BICC1: variants seen among roughly 807,000 people sequenced by gnomAD.
BICC1 encodes the protein BicC family RNA binding protein 1, also known as protein bicaudal C homolog 1.
A neutral mutation model predicts 111.0 loss-of-function variants in BICC1; 43 were observed. That is an observed-to-expected ratio of 0.39 (90% CI 0.30 to 0.50). The LOEUF (loss-of-function observed/expected upper bound fraction) is 0.50, where lower values mean the gene tolerates loss of function less well. Ranked by LOEUF, BICC1 falls within the 20% of genes least tolerant of loss-of-function variation. The probability of loss-of-function intolerance (pLI) is 0.88; values close to 1 mark genes in which losing one functional copy is unlikely to be tolerated. For synonymous variants in BICC1, 467 were observed against 434.4 expected, an observed-to-expected ratio of 1.07 and a Z score of -0.93; for missense variants, 1,091 against 1,203.2, an observed-to-expected ratio of 0.91 and a Z score of 1.38.
intron 9 of BICC1, among the ~76,000 whole-genome samples, chr10:58,795,750 G>C (rs1052346593): frequency 2.0e-5 from 3 of 151,656 alleles, no homozygotes; most frequent in African/African-American, 7.3e-5. Flanking sequence ...TTATTATTTA[G>C]AATTTTTTTT....
intron 3 of BICC1, among the ~76,000 whole-genome samples, chr10:58,734,373 T>TA (rs1235859637): frequency 1.2e-4 from 18 of 152,260 alleles, no homozygotes; most frequent in South Asian, 6.2e-4. Flanking sequence ...TCTTTGGCTA[T>TA]AAATTCCTGA....
intron 2 of BICC1, among the ~76,000 whole-genome samples, chr10:58,669,437 C>T (rs1839115325): frequency 6.6e-6 from 1 of 151,996 alleles, no homozygotes; most frequent in Admixed American, 6.6e-5. Flanking sequence ...ATTAAAAGGA[C>T]AATTTGACCC....
At position 58,771,921 on chromosome 10, in the gene BICC1, C is replaced by T. The variant is rs7100027; in HGVS notation, c.308-13080C>T. Among the ~76,000 whole-genome samples the T allele has an allele frequency of 4.3e-3, 647 of 152,232 alleles. 5 individuals are homozygous for T. The highest frequency in any genetic ancestry group is 0.015 in the African/African-American group (623 of 41,548). ...CTTTGCTTTTTGATAAAATAGTTTT[C>T]TCTCTGTCACTAAAAATGTGTCAGT... On this transcript the variant is annotated intron_variant, in intron 3 of 20. Coordinates refer to ENST00000373886, the MANE Select transcript of BICC1 (RefSeq NM_001080512.3).
At chr10:58,543,619 C>G (rs918761881) in intron 1 of BICC1, among the ~76,000 whole-genome samples, 3 of 152,028 alleles carry the variant, frequency 2.0e-5, no homozygotes, top group Non-Finnish European at 4.4e-5. Context: ...AAGCAGTACT[C>G]CTGCCTAAGC....
intron 3 of BICC1, among the ~76,000 whole-genome samples, chr10:58,769,227 T>C (rs1842542383): frequency 6.6e-6 from 1 of 151,554 alleles, no homozygotes; most frequent in Non-Finnish European, 1.5e-5. Flanking sequence ...GTGTGGTGAC[T>C]ATAGCTCATA....
intron 1 of BICC1, among the ~76,000 whole-genome samples, chr10:58,599,867 A>G (rs1844967610): frequency 6.6e-6 from 1 of 151,800 alleles, no homozygotes; most frequent in South Asian, 2.1e-4. Flanking sequence ...TTGTCCCCCA[A>G]ACATCACTCC....
intron 1 of BICC1, among the ~76,000 whole-genome samples, chr10:58,599,837 T>A (rs1844966618): frequency 1.3e-5 from 2 of 151,970 alleles, no homozygotes; most frequent in Non-Finnish European, 2.9e-5. Flanking sequence ...AGAGAGAGAC[T>A]TTTTTCTTAT....
rs552455641 is a variant in BICC1, at chr10:58,796,252, C to T, written c.1180-88C>T. On this transcript the variant is annotated intron_variant, in intron 9 of 20. Coordinates refer to ENST00000373886, the MANE Select transcript of BICC1 (RefSeq NM_001080512.3). Reference sequence around the variant, plus strand: ...GTCCCCTGAGTGGAATTCTTATTAGCGTATTCATTTTCCACCTCCCTCCCC... The same window carrying T: ...GTCCCCTGAGTGGAATTCTTATTAGTGTATTCATTTTCCACCTCCCTCCCC... 2.7e-4 allele frequency: 294 copies of T among 1,080,324 alleles called. 4 individuals carry two copies. The highest frequency in any genetic ancestry group is 2.5e-3 in the South Asian group (171 of 67,162). 66.9% of individuals were successfully genotyped at this position (1,080,324 alleles called of 1,614,324 possible).
intron 1 of BICC1, among the ~76,000 whole-genome samples, chr10:58,595,629 G>A (rs894167426): frequency 2.6e-5 from 4 of 152,076 alleles, no homozygotes; most frequent in Non-Finnish European, 5.9e-5. Context: ...GGTAAATAAC[G>A]AAATTAGGCA....
chr10:58,823,368 A>G, intron 20 of BICC1: 1 of 985,374 alleles, frequency 1.0e-6, no homozygotes, highest in Non-Finnish European at 1.2e-6. Context: ...TTGCCTTATC[A>G]TTTAAACAAC....
intron 3 of BICC1, among the ~76,000 whole-genome samples, chr10:58,775,484 C>T (rs1842726722): frequency 6.6e-6 from 1 of 151,800 alleles, no homozygotes; most frequent in South Asian, 2.1e-4. Flanking sequence ...AAATTGTTAG[C>T]TCTTAGGTAA....
intron 2 of BICC1, among the ~76,000 whole-genome samples, chr10:58,635,675 T>C (rs890704278): frequency 6.6e-6 from 1 of 152,342 alleles, no homozygotes; most frequent in South Asian, 2.1e-4. Context: ...TGACATCAAA[T>C]GTTTATTATA....
intron 2 of BICC1, among the ~76,000 whole-genome samples, chr10:58,675,467 A>G (rs1832441145): frequency 6.6e-6 from 1 of 152,248 alleles, no homozygotes; most frequent in Non-Finnish European, 1.5e-5. Context: ...GCAATTTGCA[A>G]CAACAAGGGT....
At chr10:58,667,311 A>C (rs1345139167) in intron 2 of BICC1, among the ~76,000 whole-genome samples, 2 of 146,936 alleles carry the variant, frequency 1.4e-5, no homozygotes, top group African/African-American at 5.0e-5. Context: ...CCAAACTATG[A>C]GAACACAGTA....
chr10:58,727,372 A>G (rs545100873), intron 3 of BICC1, among the ~76,000 whole-genome samples: 3 of 152,260 alleles, frequency 2.0e-5, no homozygotes, highest in Non-Finnish European at 4.4e-5. Flanking sequence ...AGATCACTTG[A>G]GCCCAGGAGT....
In BICC1 at chr10:58,800,972, G is replaced by A. The variant is rs567715063; in HGVS notation, c.1941G>A (p.Met647Ile). ...ATGCTGGTGACTTGAAACAGATGATGTGTCCCTCCAAGGTTTCCTGTGCCA... is the reference window on the plus strand; with the variant it reads ...ATGCTGGTGACTTGAAACAGATGATATGTCCCTCCAAGGTTTCCTGTGCCA... ...SGNAGDLKQM[M>I]CPSKVSCAKR... Residue 647 changes from methionine to isoleucine, a missense_variant, in exon 14 of 21, where the codon ATG (methionine) becomes ATA (isoleucine). Met to Ile is a conservative substitution (Grantham distance 10, BLOSUM62 1). Around this residue, in one of 3 missense-constraint regions of BICC1, gnomAD observed 843 missense variants for 900.8 expected, o/e 0.94. Transcript: ENST00000373886. 1 of 1,612,622 alleles carries A rather than the reference G, an allele frequency of 6.2e-7. No individual in the cohort carries two copies. The highest frequency in any genetic ancestry group is 8.5e-7 in the Non-Finnish European group (1 of 1,179,316).
chr10:58,827,440 G>T (rs1844431643), intron 20 of BICC1, among the ~76,000 whole-genome samples: 1 of 151,942 alleles, frequency 6.6e-6, no homozygotes, highest in South Asian at 2.1e-4. Context: ...TGTGGATATG[G>T]CAAAAAAAAT....
intron 3 of BICC1, among the ~76,000 whole-genome samples, chr10:58,759,212 A>G (rs7908621): frequency 0.78 from 118,327 of 151,872 alleles, 46,685 homozygotes; most frequent in East Asian, 1. Context: ...TGACCACCTC[A>G]GCCTCCCAAA....
chr10:58,621,535 G>A (rs1845807197), intron 2 of BICC1, among the ~76,000 whole-genome samples: 1 of 152,074 alleles, frequency 6.6e-6, no homozygotes, highest in Non-Finnish European at 1.5e-5. Context: ...CGAATAGGCT[G>A]GATGCAGTGG....
Sources: allele counts gnomAD v4.1 joint callset (sites outside exome capture counted in the v4.1 genomes callset), GRCh38; gene constraint gnomAD v4.1.1; regional missense constraint gnomAD v4.1.1; transcripts MANE v1.5; gene names NCBI Gene and HGNC (gene_info 2026-07-23, HGNC 2026-07-21).